RGL1: variants seen among roughly 807,000 people sequenced by gnomAD.
RGL1 encodes ral guanine nucleotide dissociation stimulator-like 1.
A neutral mutation model predicts 95.2 loss-of-function variants in RGL1; 24 were observed. The observed-to-expected ratio is 0.25, with a 90% CI of 0.18 to 0.35. The LOEUF is 0.35. Among genes scored for constraint, RGL1 ranks in the 10% least tolerant of loss-of-function variants. The pLI is 1.00. For missense variants in RGL1, 715 were observed against 936.3 expected (o/e 0.76, Z 3.08); for synonymous variants, 329 against 344.9 (o/e 0.95, Z 0.51).
chr1:183,653,077 A>G (rs544802087), intron 1 of RGL1: 24 of 152,292 alleles, frequency 1.6e-4, no homozygotes, highest in African/African-American at 4.8e-4. Context: ...ATTACCATCA[A>G]TTTGTCTCCA....
In RGL1 at chr1:183,805,423, C is replaced by A. The variant is rs1429139062; in HGVS notation, c.27+99C>A. ...TTGGACTCCCTCGGAGTGAACGGAG[C>A]AATCCGATTCCATACTTGTGAGCTA... On this transcript the variant is annotated intron_variant, in intron 1 of 17. Coordinates refer to ENST00000360851, the MANE Select transcript of RGL1 (RefSeq NM_001297671.3). 3 of 1,008,574 alleles carry A rather than the reference C, an allele frequency of 3.0e-6. No homozygotes were observed. In the Admixed American group the frequency reaches 5.9e-5, roughly 20 times the overall value. 62.5% of individuals were successfully genotyped at this position (1,008,574 alleles called of 1,614,324 possible).
intron 1 of RGL1, among the ~76,000 whole-genome samples, chr1:183,638,557 A>G (rs1258060644): frequency 1.3e-5 from 2 of 152,192 alleles, no homozygotes; most frequent in Non-Finnish European, 2.9e-5. Flanking sequence ...GTGTATGTGG[A>G]GAAATCTGTC....
At chr1:183,658,919 CCACCGCTGCT>C (rs1651400265) in intron 1 of RGL1, among the ~76,000 whole-genome samples, 1 of 151,794 alleles carries the variant, frequency 6.6e-6, no homozygotes. Flanking sequence ...TGTTCTGCAG[CCACCGCTGCT>C]GGTACCCAGG....
intron 1 of RGL1, among the ~76,000 whole-genome samples, chr1:183,737,918 A>G (rs1301081645): frequency 6.6e-6 from 1 of 152,204 alleles, no homozygotes; most frequent in East Asian, 1.9e-4. Flanking sequence ...TTTGGGTATC[A>G]GGTGTTTTAA....
intron 9 of RGL1, among the ~76,000 whole-genome samples, chr1:183,897,560 A>T (rs1667773050): frequency 6.6e-6 from 1 of 151,202 alleles, no homozygotes; most frequent in African/African-American, 2.4e-5. Flanking sequence ...AAAAAAAAAA[A>T]AACAAAGTTG....
At chr1:183,729,772 A>T (rs1348391808) in intron 1 of RGL1, among the ~76,000 whole-genome samples, 1 of 152,202 alleles carries the variant, frequency 6.6e-6, no homozygotes, top group Admixed American at 6.5e-5. Flanking sequence ...ACAATGGAAT[A>T]CTACTTAGTA....
chr1:183,777,085 C>G (rs1428388067), intron 2 of RGL1, among the ~76,000 whole-genome samples: 1 of 152,150 alleles, frequency 6.6e-6, no homozygotes, highest in Non-Finnish European at 1.5e-5. Context: ...CTGTCCTGAG[C>G]CAAAGTGTAT....
chr1:183,808,811 G>A (rs1182687331), intron 2 of RGL1, among the ~76,000 whole-genome samples: 7 of 147,358 alleles, frequency 4.8e-5, no homozygotes, highest in Non-Finnish European at 1.0e-4. Flanking sequence ...AGGTTAAATT[G>A]TTTGCCAGGG....
chr1:183,826,947 G>C (rs1011312033), intron 2 of RGL1, among the ~76,000 whole-genome samples: 1 of 151,794 alleles, frequency 6.6e-6, no homozygotes, highest in Non-Finnish European at 1.5e-5. Context: ...TTTCGAGACA[G>C]AGTGTCACTC....
upstream of RGL1, among the ~76,000 whole-genome samples, chr1:183,800,384 A>G (rs1459969176): frequency 1.3e-5 from 2 of 152,208 alleles, no homozygotes. Context: ...AAAACTGTAA[A>G]GCAAGAAATT....
chr1:183,830,143 A>G (rs184727070), intron 2 of RGL1, among the ~76,000 whole-genome samples: 240 of 152,328 alleles, frequency 1.6e-3, no homozygotes, highest in African/African-American at 5.7e-3. Flanking sequence ...TCCTCCACTT[A>G]TGAGGATTTA....
At chr1:183,898,450 A>G (rs946121019) in intron 10 of RGL1, among the ~76,000 whole-genome samples, 3 of 152,218 alleles carry the variant, frequency 2.0e-5, no homozygotes, top group Non-Finnish European at 2.9e-5. Context: ...CTCCCTCCTG[A>G]AGACTGAAAG....
intron 2 of RGL1, among the ~76,000 whole-genome samples, chr1:183,745,006 A>G (rs1000488991): frequency 3.9e-5 from 6 of 152,166 alleles, no homozygotes; most frequent in Admixed American, 2.0e-4. Flanking sequence ...GCAGCATATG[A>G]AAGTTCAACC....
At chr1:183,766,997 C>A (rs1301001894) in intron 2 of RGL1, among the ~76,000 whole-genome samples, 1 of 151,880 alleles carries the variant, frequency 6.6e-6, no homozygotes, top group Non-Finnish European at 1.5e-5. Flanking sequence ...GGGAGGATTG[C>A]TTGAGACCAG....
chr1:183,838,352 A>G (rs963024783), intron 2 of RGL1, among the ~76,000 whole-genome samples: 1 of 152,144 alleles, frequency 6.6e-6, no homozygotes, highest in East Asian at 1.9e-4. Flanking sequence ...CCTGGACTCT[A>G]TCTAGGAAAC....
At chr1:183,808,384 C>G (rs1432982883) in intron 2 of RGL1, among the ~76,000 whole-genome samples, 1 of 152,146 alleles carries the variant, frequency 6.6e-6, no homozygotes, top group Admixed American at 6.5e-5. Context: ...GAATCTGTCC[C>G]CCTCGCCCCC....
chr1:183,680,002 G>A (rs767757088), intron 1 of RGL1, among the ~76,000 whole-genome samples: 8 of 151,978 alleles, frequency 5.3e-5, no homozygotes, highest in South Asian at 2.1e-4. Flanking sequence ...TTTGTTGGCC[G>A]CATAAATGTA....
chr1:183,817,609 C>T (rs1036129049), intron 2 of RGL1, among the ~76,000 whole-genome samples: 1 of 152,208 alleles, frequency 6.6e-6, no homozygotes, highest in African/African-American at 2.4e-5. Context: ...CATTCATTCC[C>T]TGTTCTCAGC....
chr1:183,748,728 A>C (rs1657811082), intron 2 of RGL1, among the ~76,000 whole-genome samples: 1 of 151,892 alleles, frequency 6.6e-6, no homozygotes, highest in Non-Finnish European at 1.5e-5. Flanking sequence ...TTGATTTTAG[A>C]TCTTTCCTGC....
Sources: gnomAD v4.1 joint callset for allele counts (sites outside exome capture counted in the v4.1 genomes callset) on GRCh38, gnomAD v4.1.1 for gene constraint, MANE v1.5 for transcripts, NCBI Gene and HGNC (gene_info 2026-07-23, HGNC 2026-07-21) for gene names.